Variants in HEXA observed in about 807,000 individuals in gnomAD.
The protein encoded by HEXA is hexosaminidase subunit alpha.
Under a neutral mutation model 73.3 loss-of-function variants are expected in HEXA, and 54 were observed. The ratio of observed to expected loss-of-function variants is 0.74; its 90% CI spans 0.59 to 0.92. The LOEUF (loss-of-function observed/expected upper bound fraction) is 0.92, where lower values mean the gene tolerates loss of function less well. HEXA is among the 40% of genes least tolerant of loss of function. The pLI, the probability that HEXA is intolerant of heterozygous loss-of-function variation, is 0.00. For missense variants in HEXA, 649 were observed against 653.0 expected (o/e 0.99, Z 0.07); for synonymous variants, 230 against 246.9 (o/e 0.93, Z 0.64).
rs1376077057 is a variant in HEXA at position 72,341,025 on chromosome 15, A to C, written c.*3052T>G. Reference sequence around the variant, plus strand: ...TACTTATTTTTTTTCTTCGTGGAAAAAAAAGTATGTGACACATACTTGTCA... The same window carrying C: ...TACTTATTTTTTTTCTTCGTGGAAACAAAAGTATGTGACACATACTTGTCA... On this transcript the variant is annotated 3_prime_UTR_variant, in exon 14 of 14. Coordinates refer to ENST00000268097, the MANE Select transcript of HEXA (RefSeq NM_000520.6). The C allele has an allele frequency of 6.6e-6, 1 of 152,190 alleles. No individual in the cohort carries two copies. Among genetic ancestry groups the C allele is most frequent in the Non-Finnish European group, 1.5e-5 (1 of 68,038 alleles). 9.4% of individuals were successfully genotyped at this position (152,190 alleles called of 1,614,324 possible).
At chr15:72,361,905 G>A (rs2088857095) in intron 1 of HEXA, among the ~76,000 whole-genome samples, 1 of 152,108 alleles carries the variant, frequency 6.6e-6, no homozygotes, top group African/African-American at 2.4e-5. Flanking sequence ...AATCTCCCAG[G>A]CAGTCTTCCC....
In HEXA at chr15:72,356,497, C is replaced by A. The variant is rs749141236; in HGVS notation, c.346+28G>T. ...CAGCTTCAGACAAGTGTTTGCTCTT[C>A]TAAGACAGGGAACAGGATGGTACTT... On this transcript the variant is annotated intron_variant, in intron 2 of 13. Transcript: ENST00000268097. 8.1e-6 allele frequency: 13 copies of A among 1,612,992 alleles called. No homozygotes were observed. In the African/African-American group the frequency reaches 1.6e-4, roughly 20 times the overall value.
intron 1 of HEXA, 68 bp from the exon 2 acceptor site, chr15:72,356,685 T>C (rs776024044): frequency 1.2e-6 from 2 of 1,603,936 alleles, no homozygotes; most frequent in Admixed American, 1.7e-5. Context: ...ACCAAGACCC[T>C]AGCTCTAGTC....
At chr15:72,349,357 T>C in intron 7 of HEXA, 98 bp from the exon 8 acceptor site, 1 of 966,220 alleles carries the variant, frequency 1.0e-6, no homozygotes, top group South Asian at 1.3e-5. Flanking sequence ...GCAAGACAAG[T>C]GTATTCATAA....
intron 1 of HEXA, chr15:72,370,424 C>T (rs1406397383): frequency 5.1e-6 from 2 of 391,196 alleles, no homozygotes; most frequent in Non-Finnish European, 9.0e-6. Context: ...TAAATGGTGG[C>T]TCACACCTGT....
At chr15:72,355,385 G>C in intron 3 of HEXA, 174 bp downstream of exon 3, 2 of 665,732 alleles carry the variant, frequency 3.0e-6, no homozygotes, top group Non-Finnish European at 5.5e-6. Flanking sequence ...AATTAGCTGG[G>C]CATGGTGGCA....
chr15:72,355,786 T>G, intron 2 of HEXA, 162 bp from the exon 3 acceptor site: 1 of 647,694 alleles, frequency 1.5e-6, no homozygotes. Context: ...GCAAGACAGC[T>G]GTAGGATGGC....
chr15:72,346,868 A>G (rs1390291788), intron 10 of HEXA, 158 bp from the exon 11 acceptor site: 2 of 742,758 alleles, frequency 2.7e-6, no homozygotes, highest in East Asian at 5.2e-5. Flanking sequence ...CTCACACCTC[A>G]GGACAGAGGC....
In HEXA at chr15:72,367,005, G is replaced by A. The variant is rs565173561; in HGVS notation, c.253+8715C>T. Among the ~76,000 whole-genome samples the A allele has an allele frequency of 5.9e-5, 9 of 151,768 alleles. No homozygotes were observed. The South Asian group carries it at 1.0e-3, about 18-fold the overall frequency. On this transcript the variant is annotated intron_variant, in intron 1 of 13. Transcript: ENST00000268097. The stretch of plus-strand genomic sequence containing the variant: ...GTTGCCCAGGCTGGAGTGCAGTGGC[G>A]CACTCTCGGCTCACTGCAACCTCCA...
chr15:72,353,373 G>A (rs190992885), intron 4 of HEXA, among the ~76,000 whole-genome samples, 195 bp from the exon 5 acceptor site: 2 of 152,218 alleles, frequency 1.3e-5, no homozygotes, highest in Admixed American at 6.5e-5. Flanking sequence ...ATTGTCCAAC[G>A]CCAGCCTAAT....
At chr15:72,367,872 A>G (rs12904685) in intron 1 of HEXA, among the ~76,000 whole-genome samples, 2,674 of 152,254 alleles carry the variant, frequency 0.018, 37 homozygotes, top group Non-Finnish European at 0.027. Context: ...ACAGCTCTCT[A>G]GGAAAGCCTT....
intron 9 of HEXA, 57 bp downstream of exon 9, chr15:72,347,991 G>T: frequency 8.1e-7 from 1 of 1,235,042 alleles, no homozygotes; most frequent in Non-Finnish European, 1.2e-6. Flanking sequence ...GTATGGAAAG[G>T]GAGGACCCCA....
chr15:72,367,770 G>C (rs887345099), intron 1 of HEXA, among the ~76,000 whole-genome samples: 4 of 152,210 alleles, frequency 2.6e-5, no homozygotes, highest in African/African-American at 4.8e-5. Flanking sequence ...TGGCATGAAG[G>C]CTTCTCGCCT....
rs2088724431 is a variant in HEXA at position 72,353,146 on chromosome 15, A to G, written c.492T>C (p.Phe164=). The change falls in exon 5 of 14, where the codon TTT becomes TTC. Residue 164 remains phenylalanine, a synonymous_variant. Coordinates refer to ENST00000268097, the MANE Select transcript of HEXA (RefSeq NM_000520.6). The part of the protein sequence containing the change: ...FFINKTEIED[F]PRFPHRGLLL... ...GCAAGCCCCGGTGAGGAAAGCGGGGAAAGTCCTCAATCTCAGTCTTGTTGA... is the reference window on the plus strand; with the variant it reads ...GCAAGCCCCGGTGAGGAAAGCGGGGGAAGTCCTCAATCTCAGTCTTGTTGA... The G allele has an allele frequency of 6.2e-7, 1 of 1,612,638 alleles. No homozygotes were observed. The highest frequency in any genetic ancestry group is 8.5e-7 in the Non-Finnish European group (1 of 1,178,678).
intron 6 of HEXA, chr15:72,350,917 A>G: frequency 1.6e-6 from 1 of 626,920 alleles, no homozygotes; most frequent in South Asian, 1.9e-5. Context: ...AAAAGGGAAT[A>G]AGGCCAGAAG....
In HEXA at chr15:72,341,052, G is replaced by C. The variant is rs1467770623; in HGVS notation, c.*3025C>G. ...AAAGTATGTGACACATACTTGTCATGCCCTGTATTGATTAAGCTTACAAAA... is the reference window on the plus strand; with the variant it reads ...AAAGTATGTGACACATACTTGTCATCCCCTGTATTGATTAAGCTTACAAAA... On this transcript the variant is annotated 3_prime_UTR_variant, in exon 14 of 14. Transcript: ENST00000268097. 6.6e-6 allele frequency: 1 copy of C among 151,758 alleles called. No homozygotes were observed. Among genetic ancestry groups the C allele is most frequent in the Non-Finnish European group, 1.5e-5 (1 of 67,986 alleles). The allele number at this position is 151,758 out of a possible 1,614,324, so 9.4% of individuals were successfully genotyped here.
intron 7 of HEXA, among the ~76,000 whole-genome samples, chr15:72,349,828 A>C (rs1018430224): frequency 2.0e-5 from 3 of 152,082 alleles, no homozygotes; most frequent in African/African-American, 7.2e-5. Flanking sequence ...CAGTGGCATG[A>C]TCTTGGCTCA....
At chr15:72,370,804 T>G in intron 1 of HEXA, 1 of 393,680 alleles carries the variant, frequency 2.5e-6, no homozygotes. Flanking sequence ...CAAAATGAAA[T>G]ATGACACTTA....
chr15:72,346,548 C>T lies in HEXA; in HGVS notation c.1309G>A (p.Val437Met), dbSNP rs2088616485. The change falls in exon 11 of 14, where the codon GTG becomes ATG. Residue 437 changes from valine (V) to methionine (M), a missense_variant. By Grantham distance (21) the Val-to-Met change is conservative. Coordinates refer to ENST00000268097, the MANE Select transcript of HEXA (RefSeq NM_000520.6). ...YGPDWKDFYI[V>M]EPLAFEGTPE... is the part of the protein sequence containing the mutation. ...TCACCTTCAAATGCCAGGGGTTCCA[C>T]TATGTAGAAATCCTTCCAGTCAGGG... is the stretch of plus-strand genomic sequence containing the variant. 1.9e-6 allele frequency: 3 copies of T among 1,613,906 alleles called. No homozygotes were observed. The highest frequency in any genetic ancestry group is 1.7e-5 in the Admixed American group (1 of 60,002).
Sources: allele counts gnomAD v4.1 joint callset (sites outside exome capture counted in the v4.1 genomes callset), GRCh38; gene constraint gnomAD v4.1.1; transcripts MANE v1.5; gene names NCBI Gene and HGNC (gene_info 2026-07-23, HGNC 2026-07-21).